Variants in RASA2 observed in about 807,000 individuals in gnomAD.
The protein encoded by RASA2 is ras GTPase-activating protein 2.
In RASA2, 155 loss-of-function variants were observed where a neutral mutation model predicts 118.2. That is an observed-to-expected ratio of 1.31 (90% CI 1.15 to 1.50). The LOEUF (loss-of-function observed/expected upper bound fraction) is 1.50. Among genes scored for constraint, RASA2 ranks in the 40% most tolerant of loss-of-function variants. RASA2 has a pLI of 0.00. For missense variants in RASA2, 1,016 were observed against 1,009.6 expected, an observed-to-expected ratio of 1.01 and a Z score of -0.09; for synonymous variants, 353 against 349.1, an observed-to-expected ratio of 1.01 and a Z score of -0.12.
intron 4 of RASA2, among the ~76,000 whole-genome samples, chr3:141,534,187 G>A (rs918162382): frequency 2.6e-5 from 4 of 152,144 alleles, no homozygotes; most frequent in South Asian, 2.1e-4. Flanking sequence ...GGAACATTAG[G>A]TATTTATCCT....
At chr3:141,504,196 A>G (rs780094585) in intron 1 of RASA2, among the ~76,000 whole-genome samples, 42 of 152,200 alleles carry the variant, frequency 2.8e-4, no homozygotes, top group Non-Finnish European at 5.0e-4. Context: ...AAAACATTAG[A>G]GAGCCCTGAG....
chr3:141,558,835 GA>G (rs1427848133), intron 7 of RASA2, 50 bp from the exon 8 acceptor site: 37 of 1,346,158 alleles, frequency 2.7e-5, no homozygotes, highest in Non-Finnish European at 3.5e-5. Flanking sequence ...TAAGCTGTAG[GA>G]AAAATGTATT....
At chr3:141,536,928 G>A (rs2082335709) in intron 4 of RASA2, among the ~76,000 whole-genome samples, 1 of 151,784 alleles carries the variant, frequency 6.6e-6, no homozygotes, top group African/African-American at 2.4e-5. Flanking sequence ...TGTATTTTTA[G>A]TAGAGACGGG....
intron 9 of RASA2, among the ~76,000 whole-genome samples, chr3:141,563,049 T>C (rs1219860526): frequency 6.6e-6 from 1 of 152,228 alleles, no homozygotes; most frequent in African/African-American, 2.4e-5. Context: ...CACTTTGGGT[T>C]TGTCTACCTC....
chr3:141,493,771 T>C (rs2081665795), intron 1 of RASA2, among the ~76,000 whole-genome samples: 2 of 152,214 alleles, frequency 1.3e-5, no homozygotes, highest in Admixed American at 1.3e-4. Flanking sequence ...CTTCCTTTCA[T>C]TATCTTCTAG....
chr3:141,590,402 A>C (rs922997363), intron 19 of RASA2, among the ~76,000 whole-genome samples: 2 of 152,208 alleles, frequency 1.3e-5, no homozygotes, highest in Non-Finnish European at 2.9e-5. Flanking sequence ...ACCATAATAT[A>C]ACACCTTATT....
intron 9 of RASA2, among the ~76,000 whole-genome samples, chr3:141,566,554 A>G (rs910913787): frequency 1.3e-5 from 2 of 152,224 alleles, no homozygotes; most frequent in Non-Finnish European, 2.9e-5. Flanking sequence ...AACTGTAGAA[A>G]AACATTTATG....
At chr3:141,565,066 A>G (rs1209948035) in intron 9 of RASA2, among the ~76,000 whole-genome samples, 1 of 151,860 alleles carries the variant, frequency 6.6e-6, no homozygotes, top group Non-Finnish European at 1.5e-5. Context: ...GCTCAGTGCA[A>G]CCTCCACCTC....
At chr3:141,566,470 G>A (rs2082822117) in intron 9 of RASA2, among the ~76,000 whole-genome samples, 1 of 152,194 alleles carries the variant, frequency 6.6e-6, no homozygotes, top group African/African-American at 2.4e-5. Flanking sequence ...AGGACCAACA[G>A]TGAGGAATCT....
intron 3 of RASA2, among the ~76,000 whole-genome samples, chr3:141,523,484 A>C (rs187362915): frequency 7.9e-4 from 121 of 152,318 alleles, no homozygotes; most frequent in African/African-American, 2.8e-3. Context: ...AATTCGGGGC[A>C]TAATTGTTTA....
rs781669610 is a variant in RASA2 at position 141,574,087 on chromosome 3, A to G, written c.1483+20A>G. 6 of 1,404,310 alleles carry G rather than the reference A, an allele frequency of 4.3e-6. No individual in the cohort carries two copies. The African/African-American group carries it at 8.8e-5, about 21-fold the overall frequency. 87.0% of individuals were successfully genotyped at this position (1,404,310 alleles called of 1,614,324 possible). A position where few individuals can be genotyped will look rare whatever the true frequency, so the allele number is the denominator to read the frequency against. On this transcript the variant is annotated intron_variant, in intron 14 of 23. Coordinates refer to ENST00000286364, the MANE Select transcript of RASA2 (RefSeq NM_006506.5). ...TTCCTAGTAAGTGCCTTGTTTTACT[A>G]AAACATGCCATTTATTTTTCTTTGA...
chr3:141,558,949 A>T lies in RASA2; in HGVS notation c.748A>T (p.Lys250Ter). ...QFQVEEEDIE[K>*]LEIRIDLWNN... ...CCAGGTAGAAGAGGAGGACATTGAA[A>T]AGCTAGAAATCAGGTATGTGCCTTG... Residue 250 changes from lysine (K) to a stop codon, truncating the protein, a stop_gained, in exon 8 of 24, where the codon AAG (lysine) becomes TAG (stop). Transcript: ENST00000286364. LOFTEE classifies it high-confidence loss of function. The T allele has an allele frequency of 1.2e-6, 2 of 1,604,504 alleles. No individual in the cohort carries two copies. Among genetic ancestry groups the T allele is most frequent in the Non-Finnish European group, 1.7e-6 (2 of 1,172,002 alleles).
At chr3:141,591,099 T>C (rs771599634) in intron 19 of RASA2, among the ~76,000 whole-genome samples, 1 of 152,196 alleles carries the variant, frequency 6.6e-6, no homozygotes, top group Admixed American at 6.5e-5. Flanking sequence ...AAAGTTCTCT[T>C]AGTTATATGC....
At chr3:141,573,103 GACT>G (rs1303210359) in intron 12 of RASA2, 41 bp from the exon 13 acceptor site, 9 of 1,457,158 alleles carry the variant, frequency 6.2e-6, no homozygotes, top group Non-Finnish European at 8.3e-6. Context: ...CATTTTGTCA[GACT>G]ACTTAGAAAA....
rs374402416 is a variant in RASA2, at chr3:141,491,884, AT to A, written c.133+4671del. Among the ~76,000 whole-genome samples the A allele has an allele frequency of 2.2e-3, 328 of 152,314 alleles. 4 individuals carry two copies. The highest frequency in any genetic ancestry group is 7.5e-3 in the African/African-American group (311 of 41,546). On this transcript the variant is annotated intron_variant, in intron 1 of 23. Transcript: ENST00000286364. ...ATGACAGGTTTGAATAAAACCGTCT[AT>A]TTAATTCTGTGAAGTATAAATCAAA...
chr3:141,504,087 A>T (rs950855032), intron 1 of RASA2, among the ~76,000 whole-genome samples: 1 of 152,226 alleles, frequency 6.6e-6, no homozygotes, highest in African/African-American at 2.4e-5. Flanking sequence ...TATGCTAAGG[A>T]TGGTGCTAAG....
chr3:141,517,055 C>T (rs766486155), intron 3 of RASA2, among the ~76,000 whole-genome samples: 11 of 151,570 alleles, frequency 7.3e-5, no homozygotes, highest in Non-Finnish European at 1.3e-4. Flanking sequence ...CAGGCATGAG[C>T]CACCACGCCT....
chr3:141,551,623 A>G (rs2082576713), intron 5 of RASA2, among the ~76,000 whole-genome samples: 1 of 152,186 alleles, frequency 6.6e-6, no homozygotes, highest in Non-Finnish European at 1.5e-5. Context: ...ATTTAGCTGT[A>G]AGCTGGGGCA....
At chr3:141,585,304 CAGTA>C (rs1053118441) in intron 17 of RASA2, among the ~76,000 whole-genome samples, 1 of 152,092 alleles carries the variant, frequency 6.6e-6, no homozygotes, top group African/African-American at 2.4e-5. Flanking sequence ...TGAATACTTA[CAGTA>C]AGTAATATAA....
Sources: gnomAD v4.1 joint callset for allele counts (sites outside exome capture counted in the v4.1 genomes callset) on GRCh38, gnomAD v4.1.1 for gene constraint, MANE v1.5 for transcripts, NCBI Gene and HGNC (gene_info 2026-07-23, HGNC 2026-07-21) for gene names.